The following GUCY2F variants were observed in gnomAD, a reference collection of about 807,000 sequenced individuals.
The protein encoded by GUCY2F is retinal guanylyl cyclase 2.
GUCY2F carries 61 observed loss-of-function variants against 73.1 expected under a neutral mutation model. The ratio of observed to expected loss-of-function variants is 0.83; its 90% confidence interval spans 0.68 to 1.03. GUCY2F has a LOEUF of 1.03. GUCY2F is among the 50% of genes least tolerant of loss of function. The probability of loss-of-function intolerance (pLI) is 0.00; values close to 1 mark genes in which losing one functional copy is unlikely to be tolerated. For missense variants in GUCY2F, 912 were observed against 854.3 expected, an observed-to-expected ratio of 1.07 and a Z score of -0.84; for synonymous variants, 331 against 307.8, an observed-to-expected ratio of 1.08 and a Z score of -0.79.
In GUCY2F at chrX:109,404,413, C is replaced by T. The variant is rs1930925764; in HGVS notation, c.2040G>A (p.Gly680=). The part of the protein sequence containing the change: ...RLKSRNCVVD[G]RFVLKVTDYG... ...AATCTGTCACTTTTAGTACAAAACG[C>T]CCATCTACCACACAGTTTCGAGACT... is the stretch of plus-strand genomic sequence containing the variant. The change falls in exon 10 of 20, where the codon GGG becomes GGA. Residue 680 remains glycine, a synonymous_variant. Coordinates refer to ENST00000218006, the MANE Select transcript of GUCY2F (RefSeq NM_001522.3). 1 of 1,183,188 alleles carries T rather than the reference C, an allele frequency of 8.5e-7. No individual in the cohort carries two copies. The highest frequency in any genetic ancestry group is 1.1e-6 in the Non-Finnish European group (1 of 870,866).
At chrX:109,398,499 G>A (rs1326647559) in intron 11 of GUCY2F, 50 bp downstream of exon 11, 6 of 1,118,666 alleles carry the variant, frequency 5.4e-6, no homozygotes, top group Non-Finnish European at 7.3e-6. Flanking sequence ...TTGGTCTGAT[G>A]ATCTCGGTCA....
chrX:109,395,333 G>A lies in GUCY2F; in HGVS notation c.2424+8C>T, dbSNP rs1312414587. On this transcript the variant is annotated splice_region_variant and intron_variant, in intron 12 of 19. Coordinates refer to ENST00000218006, the MANE Select transcript of GUCY2F (RefSeq NM_001522.3). Reference sequence around the variant, plus strand: ...CTCCTGGGCAATGATAAGATTCAGAGTCCTTACCTGGTTAAATATTTCATC... The same window carrying A: ...CTCCTGGGCAATGATAAGATTCAGAATCCTTACCTGGTTAAATATTTCATC... The A allele has an allele frequency of 8.3e-7, 1 of 1,200,385 alleles. No individual in the cohort carries two copies. The highest frequency in any genetic ancestry group is 1.1e-6 in the Non-Finnish European group (1 of 886,880).
chrX:109,475,416 C>T lies in GUCY2F; in HGVS notation c.521G>A (p.Arg174Gln), dbSNP rs148370777. The change falls in exon 2 of 20, where the codon CGG becomes CAG. Residue 174 changes from arginine to glutamine, a missense_variant. Arg to Gln is a conservative substitution (Grantham distance 43). Transcript: ENST00000218006. ...ATATTTCATGACAGTTACAAGCACC[C>T]GGATGGGAGAAGGGAGTGTCCGAGA... ...TFSRTLPSPI[R>Q]VLVTVMKYFQ... The T allele has an allele frequency of 2.4e-5, 29 of 1,208,968 alleles. No individual in the cohort carries two copies. In the African/African-American group the frequency reaches 3.5e-4, roughly 15 times the overall value.
At chrX:109,378,731 ATACTGTT>A (rs1358426486) in intron 17 of GUCY2F, among the ~76,000 whole-genome samples, 2 of 111,726 alleles carry the variant, frequency 1.8e-5, no homozygotes, top group Non-Finnish European at 3.8e-5. Flanking sequence ...TGAGAACCAA[ATACTGTT>A]TAACCCCAGA....
intron 8 of GUCY2F, among the ~76,000 whole-genome samples, chrX:109,423,071 C>T (rs916108025): frequency 4.5e-5 from 5 of 111,889 alleles, no homozygotes; most frequent in African/African-American, 1.6e-4. Context: ...CTGTGGTTGC[C>T]TCTGGTTTTC....
intron 8 of GUCY2F, among the ~76,000 whole-genome samples, chrX:109,412,824 T>C (rs1931143886): frequency 9.0e-6 from 1 of 111,577 alleles, no homozygotes; most frequent in Non-Finnish European, 1.9e-5. Context: ...GTGCCATTTC[T>C]AGGCTAAGGC....
At chrX:109,382,055 A>G (rs934520881) in intron 17 of GUCY2F, 63 bp downstream of exon 17, 1 of 611,193 alleles carries the variant, frequency 1.6e-6, no homozygotes, top group Non-Finnish European at 2.8e-6. Flanking sequence ...TCAGCAGACC[A>G]TGACCTCTCC....
At chrX:109,410,752 A>C (rs1478526215) in intron 8 of GUCY2F, among the ~76,000 whole-genome samples, 2 of 112,242 alleles carry the variant, frequency 1.8e-5, no homozygotes, top group African/African-American at 6.5e-5. Context: ...ACCCTAGGGT[A>C]GTCAGAGAAG....
chrX:109,383,168 C>G, intron 16 of GUCY2F, among the ~76,000 whole-genome samples: 1 of 111,718 alleles, frequency 9.0e-6, no homozygotes, highest in Middle Eastern at 4.6e-3. Flanking sequence ...TTGTGCCTTC[C>G]TCATTAACTC....
intron 17 of GUCY2F, among the ~76,000 whole-genome samples, chrX:109,379,230 A>T (rs901808140): frequency 1.8e-5 from 2 of 112,313 alleles, no homozygotes; most frequent in African/African-American, 6.5e-5. Context: ...AAGGTGGGTG[A>T]AATGAACAGA....
chrX:109,457,485 T>C (rs1319001881), intron 3 of GUCY2F, among the ~76,000 whole-genome samples: 7 of 112,186 alleles, frequency 6.2e-5, no homozygotes, highest in African/African-American at 1.9e-4. Flanking sequence ...ATTCTTGTTA[T>C]TAACGGCAGT....
intron 7 of GUCY2F, among the ~76,000 whole-genome samples, chrX:109,435,083 T>C (rs1400140837): frequency 1.8e-5 from 2 of 111,253 alleles, no homozygotes; most frequent in African/African-American, 6.6e-5. Flanking sequence ...TTTGTTCTTT[T>C]GGCTTAGGAT....
At chrX:109,431,209 T>TAA (rs1238960292) in intron 7 of GUCY2F, among the ~76,000 whole-genome samples, 1 of 111,361 alleles carries the variant, frequency 9.0e-6, no homozygotes, top group East Asian at 2.8e-4. Flanking sequence ...CAAATTGTTT[T>TAA]AAAAAAAATA....
At chrX:109,417,972 TTTGATGTGCTGGATCATAAGAAGAATA>T (rs1931284644) in intron 8 of GUCY2F, among the ~76,000 whole-genome samples, 1 of 99,177 alleles carries the variant, frequency 1.0e-5, no homozygotes, top group African/African-American at 5.0e-5. Context: ...AAGAAGAATA[TTTGATGTGCTGGATCATAAGAAGAATA>T]TTTTGCATAT....
At chrX:109,396,725 A>G (rs1930718712) in intron 11 of GUCY2F, among the ~76,000 whole-genome samples, 2 of 112,311 alleles carry the variant, frequency 1.8e-5, no homozygotes, top group African/African-American at 6.5e-5. Context: ...AAAGAATTCC[A>G]GTTGTTGCCT....
chrX:109,469,621 A>C (rs1373028511), intron 2 of GUCY2F, among the ~76,000 whole-genome samples: 1 of 110,971 alleles, frequency 9.0e-6, no homozygotes, highest in Non-Finnish European at 1.9e-5. Context: ...TCATTTGAAC[A>C]GTTGCTAACA....
At chrX:109,460,077 G>C (rs1041332170) in intron 3 of GUCY2F, among the ~76,000 whole-genome samples, 2 of 111,251 alleles carry the variant, frequency 1.8e-5, no homozygotes, top group East Asian at 5.6e-4. Flanking sequence ...AACTCTCCCA[G>C]AAAGGAAAAC....
rs767329287 is a variant in GUCY2F, at chrX:109,453,504, C to T, written c.1387+1G>A. The T allele has an allele frequency of 1.7e-6, 2 of 1,172,583 alleles. No individual in the cohort carries two copies. The highest frequency in any genetic ancestry group is 3.0e-5 in the East Asian group (1 of 33,587). On this transcript the variant is annotated splice_donor_variant, in intron 4 of 19. Transcript: ENST00000218006. LOFTEE classifies it high-confidence loss of function. ...ACTACTAGTGATTTTGCATTCCTTACCTCCATGGCAGATCTTCCCTTCTGC... is the reference window on the plus strand; with the variant it reads ...ACTACTAGTGATTTTGCATTCCTTATCTCCATGGCAGATCTTCCCTTCTGC...
intron 14 of GUCY2F, among the ~76,000 whole-genome samples, chrX:109,390,670 G>A (rs750784156): frequency 1.8e-5 from 2 of 112,513 alleles, no homozygotes; most frequent in Non-Finnish European, 3.8e-5. Flanking sequence ...TACAGCCCAC[G>A]CTGAATCATC....
Sources: gnomAD v4.1 joint callset for allele counts (sites outside exome capture counted in the v4.1 genomes callset) on GRCh38, gnomAD v4.1.1 for gene constraint, MANE v1.5 for transcripts, NCBI Gene and HGNC (gene_info 2026-07-23, HGNC 2026-07-21) for gene names.